TNFAIP8: variants seen among roughly 807,000 people sequenced by gnomAD.
TNFAIP8 encodes the protein TNF alpha induced protein 8.
TNFAIP8 carries 7 observed loss-of-function variants against 13.3 expected under a neutral mutation model. That is an observed-to-expected ratio of 0.52 (90% CI 0.30 to 0.99). TNFAIP8 has a LOEUF of 0.99. TNFAIP8 is among the 50% of genes least tolerant of loss of function. The probability of loss-of-function intolerance (pLI) is 0.07; values close to 1 mark genes in which losing one functional copy is unlikely to be tolerated. For synonymous variants in TNFAIP8, 94 were observed against 87.6 expected, an observed-to-expected ratio of 1.07 and a Z score of -0.41; for missense variants, 258 against 236.9, an observed-to-expected ratio of 1.09 and a Z score of -0.58.
At chr5:119,321,050 A>C (rs764127903) in intron 1 of TNFAIP8, among the ~76,000 whole-genome samples, 1 of 152,184 alleles carries the variant, frequency 6.6e-6, no homozygotes, top group Non-Finnish European at 1.5e-5. Flanking sequence ...CCCCGTCTCT[A>C]CTAAAAACAC....
chr5:119,371,222 T>C (rs952880779), intron 1 of TNFAIP8, among the ~76,000 whole-genome samples: 2 of 152,190 alleles, frequency 1.3e-5, no homozygotes, highest in Non-Finnish European at 2.9e-5. Flanking sequence ...ATACCCTGCA[T>C]TGGACTGTGC....
In TNFAIP8 at chr5:119,283,690, A is replaced by C. The variant is rs137974920; in HGVS notation, c.1+14783A>C. The stretch of plus-strand genomic sequence containing the variant: ...TCCTTGTCAGTGCCCTGAAGTAAGG[A>C]GTTGTAGAGTTGGGCTCTTCTCTGC... On this transcript the variant is annotated intron_variant, in intron 1 of 1. Coordinates refer to the TNFAIP8 transcript ENST00000274456. Among the ~76,000 whole-genome samples, 3 of 152,086 alleles carry C rather than the reference A, an allele frequency of 2.0e-5. No individual in the cohort carries two copies. The East Asian group carries it at 5.8e-4, about 29-fold the overall frequency.
upstream of TNFAIP8, among the ~76,000 whole-genome samples, chr5:119,351,748 C>A (rs900398454): frequency 6.6e-6 from 1 of 151,486 alleles, no homozygotes; most frequent in African/African-American, 2.4e-5. Context: ...CTAGTATATA[C>A]AATTTTCTTT....
At chr5:119,351,089 C>T (rs527735557), upstream of TNFAIP8, among the ~76,000 whole-genome samples, 6 of 150,990 alleles carry the variant, frequency 4.0e-5, no homozygotes, top group African/African-American at 1.5e-4. Context: ...AGTGTATGAT[C>T]ATAGCTCACT....
intron 1 of TNFAIP8, among the ~76,000 whole-genome samples, chr5:119,365,738 G>T (rs17145294): frequency 0.21 from 31,262 of 152,004 alleles, 3,357 homozygotes; most frequent in Non-Finnish European, 0.22. Flanking sequence ...ATTAATATGA[G>T]AATTGCATCA....
At chr5:119,379,074 TAAAAC>T (rs1030808430) in intron 1 of TNFAIP8, among the ~76,000 whole-genome samples, 57 of 152,194 alleles carry the variant, frequency 3.7e-4, no homozygotes, top group African/African-American at 1.3e-3. Flanking sequence ...TAAAAATAAA[TAAAAC>T]AAAAGATAGT....
At chr5:119,354,518 G>A (rs1037866142), upstream of TNFAIP8, 5 of 152,104 alleles carry the variant, frequency 3.3e-5, no homozygotes, top group African/African-American at 1.2e-4. Flanking sequence ...TCTGTTCAAA[G>A]TCAATACTGA....
At chr5:119,332,591 A>G (rs935625407) in intron 1 of TNFAIP8, among the ~76,000 whole-genome samples, 16 of 152,344 alleles carry the variant, frequency 1.1e-4, no homozygotes, top group African/African-American at 3.8e-4. Context: ...GACAGCTGTG[A>G]TAGATACCAA....
chr5:119,354,626 A>T (rs1325855025), upstream of TNFAIP8: 1 of 152,256 alleles, frequency 6.6e-6, no homozygotes, highest in Admixed American at 6.5e-5. Context: ...CTTTGTGCTT[A>T]TATTACCTTA....
At chr5:119,377,369 G>A (rs1419844517) in intron 1 of TNFAIP8, among the ~76,000 whole-genome samples, 1 of 152,002 alleles carries the variant, frequency 6.6e-6, no homozygotes, top group African/African-American at 2.4e-5. Context: ...GGGCAACAGA[G>A]TGAGACCCTG....
chr5:119,309,013 C>T (rs1046284395), intron 1 of TNFAIP8, among the ~76,000 whole-genome samples: 2 of 152,186 alleles, frequency 1.3e-5, no homozygotes, highest in Non-Finnish European at 2.9e-5. Flanking sequence ...GATAAAATTG[C>T]TAAACTGTTT....
At chr5:119,274,760 A>C (rs1748388721) in intron 1 of TNFAIP8, among the ~76,000 whole-genome samples, 1 of 152,242 alleles carries the variant, frequency 6.6e-6, no homozygotes, top group Non-Finnish European at 1.5e-5. Context: ...CAGGTAGGGT[A>C]GTTTGAGAAC....
chr5:119,344,839 T>C (rs1750848327), intron 1 of TNFAIP8, among the ~76,000 whole-genome samples: 1 of 152,176 alleles, frequency 6.6e-6, no homozygotes, highest in African/African-American at 2.4e-5. Flanking sequence ...GAAAAATTTA[T>C]AAAGAAATAT....
intron 1 of TNFAIP8, among the ~76,000 whole-genome samples, chr5:119,297,832 G>A (rs989255378): frequency 3.3e-5 from 5 of 152,186 alleles, no homozygotes; most frequent in African/African-American, 1.2e-4. Context: ...AGCTCTTCTT[G>A]TTGAATTGAT....
chr5:119,319,519 G>A (rs1318531882), intron 1 of TNFAIP8, among the ~76,000 whole-genome samples: 4 of 152,164 alleles, frequency 2.6e-5, no homozygotes, highest in African/African-American at 4.8e-5. Context: ...TATGTTGAGT[G>A]TGTGGTGTGT....
chr5:119,301,780 T>C (rs1465213044), intron 1 of TNFAIP8, among the ~76,000 whole-genome samples: 4 of 152,234 alleles, frequency 2.6e-5, no homozygotes, highest in African/African-American at 9.6e-5. Context: ...CACATATTTG[T>C]AGTGGACCAG....
intron 1 of TNFAIP8, among the ~76,000 whole-genome samples, chr5:119,383,329 C>T (rs1467269719): frequency 6.6e-6 from 1 of 152,190 alleles, no homozygotes; most frequent in African/African-American, 2.4e-5. Context: ...TAATTACTAA[C>T]AGCACTGTTT....
chr5:119,344,477 T>C (rs1750835754), intron 1 of TNFAIP8, among the ~76,000 whole-genome samples: 1 of 152,214 alleles, frequency 6.6e-6, no homozygotes, highest in Non-Finnish European at 1.5e-5. Flanking sequence ...ATCCACACTG[T>C]AATAGCTGGC....
At chr5:119,311,194 T>A (rs1011882151) in intron 1 of TNFAIP8, among the ~76,000 whole-genome samples, 1 of 152,040 alleles carries the variant, frequency 6.6e-6, no homozygotes, top group African/African-American at 2.4e-5. Context: ...GGCTAATTTT[T>A]AAAATTTTTC....
Sources: gnomAD v4.1 joint callset for allele counts (sites outside exome capture counted in the v4.1 genomes callset) on GRCh38, gnomAD v4.1.1 for gene constraint, MANE v1.5 for transcripts, NCBI Gene and HGNC (gene_info 2026-07-23, HGNC 2026-07-21) for gene names.